The following XKR4 variants were observed in gnomAD, a reference collection of about 807,000 sequenced individuals.
XKR4 encodes XK-related protein 4.
Under a neutral mutation model 53.9 loss-of-function variants are expected in XKR4, and 12 were observed. That is an observed-to-expected ratio of 0.22 (90% confidence interval 0.14 to 0.36). The LOEUF is 0.36. XKR4 is among the 10% of genes least tolerant of loss of function. The pLI, the probability that XKR4 is intolerant of heterozygous loss-of-function variation, is 1.00. For synonymous variants in XKR4, 354 were observed against 362.4 expected, an observed-to-expected ratio of 0.98 and a Z score of 0.26; for missense variants, 799 against 859.5, an observed-to-expected ratio of 0.93 and a Z score of 0.88.
intron 1 of XKR4, among the ~76,000 whole-genome samples, chr8:55,225,684 G>A (rs142110918): frequency 1.0e-3 from 153 of 152,332 alleles, no homozygotes; most frequent in African/African-American, 3.5e-3. Context: ...ATGCCCACAT[G>A]AACGTATGCA....
chr8:55,162,387 G>C (rs1816997542), intron 1 of XKR4, among the ~76,000 whole-genome samples: 1 of 152,290 alleles, frequency 6.6e-6, no homozygotes, highest in African/African-American at 2.4e-5. Flanking sequence ...TTTGCCATGA[G>C]ATAGACCTAA....
At chr8:55,404,233 T>C (rs2939689) in intron 2 of XKR4, among the ~76,000 whole-genome samples, 14,437 of 152,106 alleles carry the variant, frequency 0.095, 1,409 homozygotes, top group African/African-American at 0.25. Context: ...GGTGGATAGA[T>C]AGGAAAGAGA....
chr8:55,185,589 A>G (rs774172274), intron 1 of XKR4, among the ~76,000 whole-genome samples: 3 of 152,208 alleles, frequency 2.0e-5, no homozygotes, highest in Non-Finnish European at 4.4e-5. Flanking sequence ...TGAACTTTTT[A>G]TGAAAAGCAG....
intron 1 of XKR4, among the ~76,000 whole-genome samples, chr8:55,331,144 G>A (rs1038205179): frequency 7.2e-5 from 11 of 152,032 alleles, no homozygotes; most frequent in African/African-American, 2.7e-4. Flanking sequence ...AGCCCCTGGT[G>A]TGTTGTTTCT....
At chr8:55,491,463 G>A (rs2939671) in intron 2 of XKR4, among the ~76,000 whole-genome samples, 56,545 of 151,812 alleles carry the variant, frequency 0.37, 11,027 homozygotes, top group African/African-American at 0.47. Context: ...TAACTTACCT[G>A]TGGATGAGCT....
chr8:55,533,245 C>T lies in XKR4; in HGVS notation c.*9018C>T, dbSNP rs1381009780. 6.6e-6 allele frequency: 1 copy of T among 152,144 alleles called. No homozygotes were observed. Among genetic ancestry groups the T allele is most frequent in the Non-Finnish European group, 1.5e-5 (1 of 68,024 alleles). 9.4% of individuals were successfully genotyped at this position (152,144 alleles called of 1,614,324 possible). A position where few individuals can be genotyped will look rare whatever the true frequency, so the allele number is the denominator to read the frequency against. On this transcript the variant is annotated 3_prime_UTR_variant, in exon 3 of 3. Coordinates refer to ENST00000327381, the MANE Select transcript of XKR4 (RefSeq NM_052898.2). ...CTGTTGCATTCACTTAGCAATTAAC[C>T]TTTGACCTGTGGTTTTCTGCTGAGC...
chr8:55,270,724 G>A (rs970303539), intron 1 of XKR4, among the ~76,000 whole-genome samples: 2 of 152,222 alleles, frequency 1.3e-5, no homozygotes, highest in Non-Finnish European at 2.9e-5. Context: ...GTGCTGAAGA[G>A]TATGAAAACT....
chr8:55,458,706 C>A (rs569294320), intron 2 of XKR4, among the ~76,000 whole-genome samples: 1 of 152,346 alleles, frequency 6.6e-6, no homozygotes, highest in African/African-American at 2.4e-5. Flanking sequence ...AAACTCTTCT[C>A]TGAGGTCCTA....
rs78877670 is a variant in XKR4, at chr8:55,364,005, T to C, written c.1006+6128T>C. 2.2e-3 allele frequency among the ~76,000 whole-genome samples: 342 copies of C among 152,338 alleles called. 1 individual carries two copies. The highest frequency in any genetic ancestry group is 7.8e-3 in the African/African-American group (323 of 41,574). ...ATTTAGAAACACCCATTTATCTGGG[T>C]GCATTCCAGACTGAGTGGTGCCATT... On this transcript the variant is annotated intron_variant, in intron 2 of 2. Coordinates refer to ENST00000327381, the MANE Select transcript of XKR4 (RefSeq NM_052898.2).
intron 1 of XKR4, among the ~76,000 whole-genome samples, chr8:55,159,852 T>C (rs761539734): frequency 1.3e-5 from 2 of 152,194 alleles, no homozygotes; most frequent in Non-Finnish European, 2.9e-5. Context: ...TCATCTGTGG[T>C]CCTGGCTGCA....
At chr8:55,116,248 A>T (rs149140005) in intron 1 of XKR4, among the ~76,000 whole-genome samples, 1 of 152,164 alleles carries the variant, frequency 6.6e-6, no homozygotes, top group Admixed American at 6.5e-5. Context: ...GAGCCTCTGT[A>T]TCTACACGGA....
chr8:55,354,531 G>A lies in XKR4; in HGVS notation c.807-3147G>A, dbSNP rs1404620719. On this transcript the variant is annotated intron_variant, in intron 1 of 2. Coordinates refer to ENST00000327381, the MANE Select transcript of XKR4 (RefSeq NM_052898.2). ...CAAGTGATTCTGTTTACCACTTCAT[G>A]AGAACACCAGAAGAGTGTGTTAGAG... Among the ~76,000 whole-genome samples, 3 of 152,198 alleles carry A rather than the reference G, an allele frequency of 2.0e-5. 1 individual carries two copies. Among genetic ancestry groups the A allele is most frequent in the Admixed American group, 2.0e-4 (3 of 15,284 alleles).
chr8:55,188,296 G>A (rs11990169), intron 1 of XKR4, among the ~76,000 whole-genome samples: 4,210 of 152,126 alleles, frequency 0.028, 210 homozygotes, highest in African/African-American at 0.096. Context: ...AAATGAAGTC[G>A]ATTTGATTTA....
At chr8:55,218,982 A>G (rs1433507025) in intron 1 of XKR4, among the ~76,000 whole-genome samples, 1 of 151,344 alleles carries the variant, frequency 6.6e-6, no homozygotes, top group Non-Finnish European at 1.5e-5. Context: ...GCAAAATTTT[A>G]GATCCTCAAA....
chr8:55,190,452 T>C (rs1288889757), intron 1 of XKR4, among the ~76,000 whole-genome samples: 1 of 152,166 alleles, frequency 6.6e-6, no homozygotes, highest in Non-Finnish European at 1.5e-5. Flanking sequence ...TTTATCACAG[T>C]TTTTCAAAAA....
chr8:55,452,297 C>T (rs1299781150), intron 2 of XKR4: 1 of 648,100 alleles, frequency 1.5e-6, no homozygotes, highest in South Asian at 1.6e-5. Context: ...TGCATTTCTC[C>T]TTGGTCAGCG....
intron 1 of XKR4, among the ~76,000 whole-genome samples, chr8:55,262,286 G>A (rs191747754): frequency 1.3e-3 from 202 of 152,288 alleles, no homozygotes; most frequent in African/African-American, 4.6e-3. Flanking sequence ...GTGTGAGGGA[G>A]ATATGATTTT....
chr8:55,273,990 T>G (rs777764636), intron 1 of XKR4, among the ~76,000 whole-genome samples: 6 of 152,274 alleles, frequency 3.9e-5, no homozygotes, highest in Non-Finnish European at 8.8e-5. Context: ...ACTTTTGCTT[T>G]TAAATGGAAG....
chr8:55,489,590 T>C (rs916985950), intron 2 of XKR4, among the ~76,000 whole-genome samples: 7 of 152,166 alleles, frequency 4.6e-5, no homozygotes, highest in Non-Finnish European at 8.8e-5. Flanking sequence ...TCTAACACTT[T>C]TGTTATTTAA....
Sources: allele counts gnomAD v4.1 joint callset (sites outside exome capture counted in the v4.1 genomes callset), GRCh38; gene constraint gnomAD v4.1.1; transcripts MANE v1.5; gene names NCBI Gene and HGNC (gene_info 2026-07-23, HGNC 2026-07-21).